The following SNX22 variants were observed in gnomAD, a reference collection of about 807,000 sequenced individuals.
The protein encoded by SNX22 is sorting nexin-22.
A neutral mutation model predicts 24.7 loss-of-function variants in SNX22; 23 were observed. The ratio of observed to expected loss-of-function variants is 0.93; its 90% confidence interval spans 0.67 to 1.32. SNX22 has a LOEUF of 1.32. Among genes scored for constraint, SNX22 ranks in the 40% most tolerant of loss-of-function variants. SNX22 has a pLI of 0.00. For synonymous variants in SNX22, 99 were observed against 104.0 expected (o/e 0.95, Z 0.29); for missense variants, 261 against 249.9 (o/e 1.04, Z -0.30).
At position 64,153,088 on chromosome 15, in the gene SNX22, C is replaced by A. The variant is rs57323715; in HGVS notation, c.265-157C>A. The stretch of plus-strand genomic sequence containing the variant: ...CATGGGGTACAACCTGTGCACACAG[C>A]GCCCAGCGCCCAGAAGGGCCCTGAG... On this transcript the variant is annotated intron_variant, in intron 3 of 6. Coordinates refer to ENST00000325881, the MANE Select transcript of SNX22 (RefSeq NM_024798.3). 0.022 allele frequency: 18,827 copies of A among 850,402 alleles called. 1,948 individuals are homozygous for A. In the African/African-American group the frequency reaches 0.25, roughly 11 times the overall value. 52.7% of individuals were successfully genotyped at this position (850,402 alleles called of 1,614,324 possible).
Position 64,156,359 on chromosome 15 carries a change from A to G in SNX22, c.*1851A>G. On this transcript the variant is annotated 3_prime_UTR_variant, in exon 7 of 7. Transcript: ENST00000325881. This position sits in a 1 kb window ranked among gnomAD's most constrained non-coding sequence, Gnocchi z 6.4. ...ACAGGAATTTTGTTCCTTTGAAGTA[A>G]GACCCAGGTTGGGCCAAGGGTGAGG... The G allele has an allele frequency of 1.4e-6, 1 of 710,182 alleles. No individual in the cohort carries two copies. The highest frequency in any genetic ancestry group is 2.4e-6 in the Non-Finnish European group (1 of 415,514). The allele number at this position is 710,182 out of a possible 1,614,324, so 44.0% of individuals were successfully genotyped here.
chr15:64,156,298 G>T lies in SNX22; in HGVS notation c.*1790G>T. 1.0e-6 allele frequency: 1 copy of T among 990,854 alleles called. No individual in the cohort carries two copies. The highest frequency in any genetic ancestry group is 1.5e-6 in the Non-Finnish European group (1 of 647,044). 61.4% of individuals were successfully genotyped at this position (990,854 alleles called of 1,614,324 possible). ...GCACCAAAATTCTAACAGACTCCTG[G>T]CCAGAGCAGGGAGAATGCAGATTTG... On this transcript the variant is annotated 3_prime_UTR_variant, in exon 7 of 7. Transcript: ENST00000325881. The surrounding 1 kb of genome is among the most constrained non-coding windows in gnomAD (Gnocchi z 6.4).
At position 64,154,862 on chromosome 15, in the gene SNX22, A is replaced by AC; in HGVS notation, c.*358dup. On this transcript the variant is annotated 3_prime_UTR_variant, in exon 7 of 7. Transcript: ENST00000325881. ...AGACCAGCCTGACCACCATGGAGAAACCCCGTCTCTACTAAAAATACAAAA... is the reference window on the plus strand; with the variant it reads ...AGACCAGCCTGACCACCATGGAGAAACCCCCGTCTCTACTAAAAATACAAAA... The AC allele has an allele frequency of 6.0e-6, 1 of 167,062 alleles. No homozygotes were observed. Among genetic ancestry groups the AC allele is most frequent in the South Asian group, 1.6e-4 (1 of 6,088 alleles). 10.3% of individuals were successfully genotyped at this position (167,062 alleles called of 1,614,324 possible).
In SNX22 at chr15:64,154,612, T is replaced by C; in HGVS notation, c.*104T>C. 2 of 1,442,190 alleles carry C rather than the reference T, an allele frequency of 1.4e-6. No individual in the cohort carries two copies. Among genetic ancestry groups the C allele is most frequent in the Non-Finnish European group, 1.9e-6 (2 of 1,061,814 alleles). 89.3% of individuals were successfully genotyped at this position (1,442,190 alleles called of 1,614,324 possible). ...CCTTTGGCCTGGACCCAGGACTTAA[T>C]TACCCAGTGCCCAGTTGTGCCACAT... On this transcript the variant is annotated 3_prime_UTR_variant, in exon 7 of 7. Coordinates refer to ENST00000325881, the MANE Select transcript of SNX22 (RefSeq NM_024798.3).
Position 64,154,785 on chromosome 15 carries a change from C to A in SNX22, c.*277C>A. Reference sequence around the variant, plus strand: ...AGGCGCGGTGGCTCATGCCTGTAATCCCAGCACTTTGGGAGGCCAAGATGG... The same window carrying A: ...AGGCGCGGTGGCTCATGCCTGTAATACCAGCACTTTGGGAGGCCAAGATGG... On this transcript the variant is annotated 3_prime_UTR_variant, in exon 7 of 7. Transcript: ENST00000325881. 3.6e-6 allele frequency: 1 copy of A among 277,866 alleles called. No individual in the cohort carries two copies. Among genetic ancestry groups the A allele is most frequent in the Non-Finnish European group, 6.9e-6 (1 of 144,564 alleles). 17.2% of individuals were successfully genotyped at this position (277,866 alleles called of 1,614,324 possible). A position where few individuals can be genotyped will look rare whatever the true frequency, so the allele number is the denominator to read the frequency against.
rs1174572526 is a variant in SNX22 at position 64,154,885 on chromosome 15, A to T, written c.*377A>T. On this transcript the variant is annotated 3_prime_UTR_variant, in exon 7 of 7. Transcript: ENST00000325881. ...AAACCCCGTCTCTACTAAAAATACAAAATTAGCCGGGCATTGTGGTGGTGC... is the reference window on the plus strand; with the variant it reads ...AAACCCCGTCTCTACTAAAAATACATAATTAGCCGGGCATTGTGGTGGTGC... 6.3e-6 allele frequency: 1 copy of T among 158,816 alleles called. No homozygotes were observed. Among genetic ancestry groups the T allele is most frequent in the Non-Finnish European group, 1.4e-5 (1 of 72,430 alleles). 9.8% of individuals were successfully genotyped at this position (158,816 alleles called of 1,614,324 possible). A position where few individuals can be genotyped will look rare whatever the true frequency, so the allele number is the denominator to read the frequency against.
rs1422780448 is a variant in SNX22, at chr15:64,154,618, A to G, written c.*110A>G. 1.2e-5 allele frequency: 17 copies of G among 1,402,564 alleles called. No individual in the cohort carries two copies. The highest frequency in any genetic ancestry group is 1.6e-5 in the Non-Finnish European group (16 of 1,031,306). 86.9% of individuals were successfully genotyped at this position (1,402,564 alleles called of 1,614,324 possible). On this transcript the variant is annotated 3_prime_UTR_variant, in exon 7 of 7. Transcript: ENST00000325881. ...GCCTGGACCCAGGACTTAATTACCC[A>G]GTGCCCAGTTGTGCCACATTCCCAC...
At chr15:64,153,517 C>A in intron 4 of SNX22, 135 bp from the exon 5 acceptor site, 1 of 1,503,288 alleles carries the variant, frequency 6.7e-7, no homozygotes, top group Non-Finnish European at 9.2e-7. Flanking sequence ...CCCCCGCCAC[C>A]TCCGGAACTG....
intron 3 of SNX22, 180 bp downstream of exon 3, chr15:64,152,922 G>T: frequency 1.6e-6 from 1 of 625,884 alleles, no homozygotes; most frequent in Non-Finnish European, 2.8e-6. Flanking sequence ...CTTGTTGAAA[G>T]GACTGAAAGA....
rs755666526 is a variant in SNX22, at chr15:64,156,875, C to T, written c.*2367C>T. On this transcript the variant is annotated 3_prime_UTR_variant, in exon 7 of 7. Transcript: ENST00000325881. The surrounding 1 kb of genome is among the most constrained non-coding windows in gnomAD (Gnocchi z 6.4). ...GCCCGTAGTGCTTCAGTTTGAAGTTCTCATCGGGGAAGCGCTCACCGTAGA... is the reference window on the plus strand; with the variant it reads ...GCCCGTAGTGCTTCAGTTTGAAGTTTTCATCGGGGAAGCGCTCACCGTAGA... 5.0e-6 allele frequency: 8 copies of T among 1,614,168 alleles called. No individual in the cohort carries two copies. In the South Asian group the frequency reaches 8.8e-5, roughly 18 times the overall value.
In SNX22 at chr15:64,152,193, T is replaced by C. The variant is rs543378803; in HGVS notation, c.76-50T>C. The stretch of plus-strand genomic sequence containing the variant: ...GTCGCCAGGCGCAGGTGCTGCGGCG[T>C]CCTCCCGCGGGGCCTCACGCGCAGA... On this transcript the variant is annotated intron_variant, in intron 1 of 6. Coordinates refer to ENST00000325881, the MANE Select transcript of SNX22 (RefSeq NM_024798.3). The C allele has an allele frequency of 3.7e-6, 5 of 1,354,258 alleles. No individual in the cohort carries two copies. The African/African-American group carries it at 7.7e-5, about 21-fold the overall frequency. The allele number at this position is 1,354,258 out of a possible 1,614,324, so 83.9% of individuals were successfully genotyped here.
rs5813282 is a variant in SNX22 at position 64,155,820 on chromosome 15, T to TAA, written c.*1324_*1325dup. ...AGAACCAGGCCCACACATTATATAT[T>TAA]AAAAAAAAAAAAACCCACATTTTTT... On this transcript the variant is annotated 3_prime_UTR_variant, in exon 7 of 7. Coordinates refer to ENST00000325881, the MANE Select transcript of SNX22 (RefSeq NM_024798.3). 0.14 allele frequency: 68,668 copies of TAA among 503,440 alleles called. 200 individuals carry two copies. The highest frequency in any genetic ancestry group is 0.19 in the East Asian group (4,560 of 23,434). 31.2% of individuals were successfully genotyped at this position (503,440 alleles called of 1,614,324 possible). A position where few individuals can be genotyped will look rare whatever the true frequency, so the allele number is the denominator to read the frequency against.
chr15:64,151,900 C>A (rs1016499537), intron 1 of SNX22, 50 bp downstream of exon 1: 2 of 1,493,662 alleles, frequency 1.3e-6, no homozygotes, highest in African/African-American at 2.9e-5. Context: ...GCAGGATTTC[C>A]CCGCGCTGCG....
chr15:64,156,580 G>T lies in SNX22; in HGVS notation c.*2072G>T. 2.0e-6 allele frequency: 2 copies of T among 1,024,120 alleles called. No homozygotes were observed. The highest frequency in any genetic ancestry group is 3.1e-6 in the Non-Finnish European group (2 of 649,628). The allele number at this position is 1,024,120 out of a possible 1,614,324, so 63.4% of individuals were successfully genotyped here. A position where few individuals can be genotyped will look rare whatever the true frequency, so the allele number is the denominator to read the frequency against. On this transcript the variant is annotated 3_prime_UTR_variant, in exon 7 of 7. Coordinates refer to ENST00000325881, the MANE Select transcript of SNX22 (RefSeq NM_024798.3). This position sits in a 1 kb window ranked among gnomAD's most constrained non-coding sequence, Gnocchi z 6.4. ...AACCTTGGAGGCATGGAGGTACAGG[G>T]TTTATTCTGGACAGGAGCACTGGGC...
intron 2 of SNX22, 64 bp from the exon 3 acceptor site, chr15:64,152,574 G>A: frequency 6.7e-7 from 1 of 1,492,328 alleles, no homozygotes; most frequent in South Asian, 1.2e-5. Flanking sequence ...GCTTCTGGCT[G>A]GGGCGAAGAG....
Position 64,156,566 on chromosome 15 carries a change from C to T in SNX22, c.*2058C>T. ...CTGGAAGAATTTAGAACCTTGGAGG[C>T]ATGGAGGTACAGGGTTTATTCTGGA... On this transcript the variant is annotated 3_prime_UTR_variant, in exon 7 of 7. Coordinates refer to ENST00000325881, the MANE Select transcript of SNX22 (RefSeq NM_024798.3). The surrounding 1 kb of genome is among the most constrained non-coding windows in gnomAD (Gnocchi z 6.4). 1 of 920,992 alleles carries T rather than the reference C, an allele frequency of 1.1e-6. No individual in the cohort carries two copies. Among genetic ancestry groups the T allele is most frequent in the East Asian group, 2.4e-5 (1 of 41,612 alleles). 57.1% of individuals were successfully genotyped at this position (920,992 alleles called of 1,614,324 possible).
At position 64,153,419 on chromosome 15, in the gene SNX22, T is replaced by C. The variant is rs913669367; in HGVS notation, c.359+80T>C. 2.2e-5 allele frequency: 35 copies of C among 1,591,602 alleles called. No homozygotes were observed. The African/African-American group carries it at 4.7e-4, about 21-fold the overall frequency. The stretch of plus-strand genomic sequence containing the variant: ...AAGGTGTTGGAGGGCAAGCCCTTTC[T>C]TTTCACATCTGCCAGGATCCAGCAT... On this transcript the variant is annotated intron_variant, in intron 4 of 6. Transcript: ENST00000325881.
chr15:64,155,714 A>C lies in SNX22; in HGVS notation c.*1206A>C. 2 of 350,278 alleles carry C rather than the reference A, an allele frequency of 5.7e-6. No individual in the cohort carries two copies. Among genetic ancestry groups the C allele is most frequent in the Non-Finnish European group, 1.1e-5 (2 of 184,316 alleles). The allele number at this position is 350,278 out of a possible 1,614,324, so 21.7% of individuals were successfully genotyped here. A position where few individuals can be genotyped will look rare whatever the true frequency, so the allele number is the denominator to read the frequency against. On this transcript the variant is annotated 3_prime_UTR_variant, in exon 7 of 7. Transcript: ENST00000325881. ...GGGTCAAAATTTCAGGCAGGATCCC[A>C]GGGAAGGGGCAGGCACCCATTGCCA...
In SNX22 at chr15:64,151,748, G is replaced by A. The variant is rs1224036425; in HGVS notation, c.-28G>A. On this transcript the variant is annotated 5_prime_UTR_variant, in exon 1 of 7. Transcript: ENST00000325881. ...GGAGAGTTAGGGCTCCGAGCCGAGC[G>A]CGCGGAGCAGCTGGGGCCGGGGCGC... 2 of 1,525,208 alleles carry A rather than the reference G, an allele frequency of 1.3e-6. No homozygotes were observed. Among genetic ancestry groups the A allele is most frequent in the South Asian group, 1.2e-5 (1 of 81,552 alleles). 94.5% of individuals were successfully genotyped at this position (1,525,208 alleles called of 1,614,324 possible).
Sources: allele counts gnomAD v4.1 joint callset, GRCh38; gene constraint gnomAD v4.1.1; non-coding constraint Gnocchi (gnomAD v3.1); transcripts MANE v1.5; gene names NCBI Gene and HGNC (gene_info 2026-07-23, HGNC 2026-07-21).